SH2D4B: variants seen among roughly 807,000 people sequenced by gnomAD.
The protein encoded by SH2D4B is SH2 domain-containing protein 4B.
In SH2D4B, 45 loss-of-function variants were observed where a neutral mutation model predicts 61.5. The observed-to-expected ratio is 0.73, with a 90% CI of 0.58 to 0.94. SH2D4B has a LOEUF of 0.94. Ranked by LOEUF, SH2D4B falls within the 40% of genes least tolerant of loss-of-function variation. SH2D4B has a pLI of 0.00. For missense variants in SH2D4B, 572 were observed against 574.2 expected, an observed-to-expected ratio of 1.00 and a Z score of 0.04; for synonymous variants, 224 against 220.4, an observed-to-expected ratio of 1.02 and a Z score of -0.14.
At chr10:80,615,836 C>G (rs1053870434) in intron 6 of SH2D4B, among the ~76,000 whole-genome samples, 2 of 152,072 alleles carry the variant, frequency 1.3e-5, no homozygotes, top group African/African-American at 4.8e-5. Flanking sequence ...CTGAAGAAAC[C>G]AGGAGTGGAG....
At chr10:80,588,851 C>G in intron 4 of SH2D4B, 74 bp downstream of exon 4, 1 of 1,560,708 alleles carries the variant, frequency 6.4e-7, no homozygotes, top group Non-Finnish European at 8.8e-7. Flanking sequence ...TGCTGATGTA[C>G]TCATTCGTCA....
chr10:80,558,748 G>T (rs775203494), intron 1 of SH2D4B, among the ~76,000 whole-genome samples: 17 of 152,196 alleles, frequency 1.1e-4, no homozygotes, highest in Non-Finnish European at 1.9e-4. Flanking sequence ...CAAGCAATCT[G>T]TCCAACTTGG....
At chr10:80,602,832 G>A (rs975288142) in intron 4 of SH2D4B, among the ~76,000 whole-genome samples, 1 of 152,184 alleles carries the variant, frequency 6.6e-6, no homozygotes, top group East Asian at 1.9e-4. Flanking sequence ...AAGAGCTCTG[G>A]TGTCAGATAC....
intron 4 of SH2D4B, among the ~76,000 whole-genome samples, chr10:80,590,650 A>G (rs1589348159): frequency 6.6e-6 from 1 of 152,096 alleles, no homozygotes; most frequent in Non-Finnish European, 1.5e-5. Flanking sequence ...GGTGTCTTCT[A>G]CTGGCCAGCC....
chr10:80,634,889 G>A (rs1183464392), intron 7 of SH2D4B, among the ~76,000 whole-genome samples: 3 of 152,190 alleles, frequency 2.0e-5, no homozygotes, highest in African/African-American at 7.2e-5. Context: ...CAGACCTCTA[G>A]CAGCTTCTGA....
intron 4 of SH2D4B, among the ~76,000 whole-genome samples, chr10:80,593,797 CT>C (rs1452380949): frequency 6.6e-6 from 1 of 152,024 alleles, no homozygotes; most frequent in African/African-American, 2.4e-5. Flanking sequence ...AATTTTTAGT[CT>C]TTCACTATTT....
chr10:80,565,392 T>C (rs541087024), intron 1 of SH2D4B, among the ~76,000 whole-genome samples: 2 of 148,174 alleles, frequency 1.3e-5, no homozygotes, highest in East Asian at 4.0e-4. Flanking sequence ...TTCTTTTCCT[T>C]TTTTTTTTTC....
intron 4 of SH2D4B, among the ~76,000 whole-genome samples, chr10:80,602,050 G>T (rs777032318): frequency 6.6e-6 from 1 of 152,160 alleles, no homozygotes; most frequent in Non-Finnish European, 1.5e-5. Flanking sequence ...GCCTCTAATG[G>T]GTTTTGTTCC....
At chr10:80,602,629 G>T (rs1431133636) in intron 4 of SH2D4B, among the ~76,000 whole-genome samples, 1 of 152,152 alleles carries the variant, frequency 6.6e-6, no homozygotes, top group Non-Finnish European at 1.5e-5. Context: ...GGGAAACCAA[G>T]AAAGGGTTCC....
intron 1 of SH2D4B, 148 bp from the exon 2 acceptor site, chr10:80,570,006 C>A: frequency 1.1e-6 from 1 of 948,432 alleles, no homozygotes; most frequent in Non-Finnish European, 1.6e-6. Flanking sequence ...TGTGGACCTG[C>A]CCCCAGGCCA....
At chr10:80,577,241 A>G (rs1842136721) in intron 3 of SH2D4B, among the ~76,000 whole-genome samples, 1 of 152,202 alleles carries the variant, frequency 6.6e-6, no homozygotes, top group Non-Finnish European at 1.5e-5. Context: ...AGAGGCACTG[A>G]TCCACCAGAC....
rs767438453 is a variant in SH2D4B at position 80,588,832 on chromosome 10, T to C, written c.643+55T>C. ...GACCAGTCCCGCCTCCCCACCCACC[T>C]CCTCCCAATGCTGATGTACTCATTC... On this transcript the variant is annotated intron_variant, in intron 4 of 7. Coordinates refer to ENST00000646907, the MANE Select transcript of SH2D4B (RefSeq NM_001388272.1). The C allele has an allele frequency of 2.4e-5, 38 of 1,599,116 alleles. No homozygotes were observed. The South Asian group carries it at 3.8e-4, about 16-fold the overall frequency.
At chr10:80,615,084 C>T (rs1842645782) in intron 6 of SH2D4B, among the ~76,000 whole-genome samples, 1 of 152,236 alleles carries the variant, frequency 6.6e-6, no homozygotes, top group African/African-American at 2.4e-5. Flanking sequence ...GGAGTTGGGG[C>T]TTGGCCCCTC....
intron 1 of SH2D4B, among the ~76,000 whole-genome samples, chr10:80,541,978 A>ATGT (rs1202888204): frequency 6.6e-6 from 1 of 152,074 alleles, no homozygotes; most frequent in Non-Finnish European, 1.5e-5. Flanking sequence ...GAACCCTCTG[A>ATGT]TGTTCTATGC....
intron 7 of SH2D4B, among the ~76,000 whole-genome samples, chr10:80,637,779 C>T (rs918305222): frequency 6.6e-6 from 1 of 152,192 alleles, no homozygotes; most frequent in Non-Finnish European, 1.5e-5. Context: ...CCCTTTATTT[C>T]TTTCTCCTGC....
At chr10:80,543,869 T>TAG (rs756807838) in intron 1 of SH2D4B, among the ~76,000 whole-genome samples, 8 of 152,064 alleles carry the variant, frequency 5.3e-5, no homozygotes, top group Non-Finnish European at 7.4e-5. Flanking sequence ...AACCTTTGTG[T>TAG]AGACACTCTG....
At chr10:80,632,386 T>C (rs1842842463) in intron 6 of SH2D4B, among the ~76,000 whole-genome samples, 1 of 152,182 alleles carries the variant, frequency 6.6e-6, no homozygotes, top group Non-Finnish European at 1.5e-5. Flanking sequence ...ACCATAAATA[T>C]ATATAATTTT....
chr10:80,642,027 T>A (rs1291412507), intron 7 of SH2D4B, among the ~76,000 whole-genome samples: 1 of 152,244 alleles, frequency 6.6e-6, no homozygotes, highest in East Asian at 1.9e-4. Context: ...TCTAAGTATC[T>A]CCTGAGCAGT....
intron 3 of SH2D4B, among the ~76,000 whole-genome samples, chr10:80,582,313 C>A (rs879294830): frequency 2.0e-5 from 3 of 152,260 alleles, no homozygotes; most frequent in Non-Finnish European, 2.9e-5. Flanking sequence ...GCCAGGGTTG[C>A]CCCTAGGGTG....
Sources: allele counts gnomAD v4.1 joint callset (sites outside exome capture counted in the v4.1 genomes callset), GRCh38; gene constraint gnomAD v4.1.1; transcripts MANE v1.5; gene names NCBI Gene and HGNC (gene_info 2026-07-23, HGNC 2026-07-21).